APPBP2: variants seen among roughly 807,000 people sequenced by gnomAD.
The protein encoded by APPBP2 is amyloid beta precursor protein binding protein 2.
A neutral mutation model predicts 76.0 loss-of-function variants in APPBP2; 15 were observed. That is an observed-to-expected ratio of 0.20 (90% CI 0.13 to 0.30). The LOEUF is 0.30. Ranked by LOEUF, APPBP2 falls within the 10% of genes least tolerant of loss-of-function variation. The pLI, the probability that APPBP2 is intolerant of heterozygous loss-of-function variation, is 1.00. For missense variants in APPBP2, 401 were observed against 687.2 expected (o/e 0.58, Z 4.66); for synonymous variants, 222 against 242.2 (o/e 0.92, Z 0.77).
chr17:60,491,263 C>G (rs1314543933), intron 3 of APPBP2, among the ~76,000 whole-genome samples: 2 of 151,962 alleles, frequency 1.3e-5, no homozygotes, highest in Admixed American at 1.3e-4. Context: ...ATATTTTAGC[C>G]AAAAGACTGG....
chr17:60,503,137 C>T lies in APPBP2; in HGVS notation c.139-2650G>A, dbSNP rs978406041. 2.4e-4 allele frequency among the ~76,000 whole-genome samples: 34 copies of T among 144,024 alleles called. 1 individual carries two copies. The highest frequency in any genetic ancestry group is 4.1e-4 in the Non-Finnish European group (28 of 67,838). The allele number at this position is 144,024 out of a possible 152,430, so 94.5% of individuals were successfully genotyped here. On this transcript the variant is annotated intron_variant, in intron 1 of 12. Coordinates refer to ENST00000083182, the MANE Select transcript of APPBP2 (RefSeq NM_006380.5). ...AAGCGATTCTCCTGCCTCAGCCTCC[C>T]GAATAGCCTGGACTACCGGCGCGGG... is the stretch of plus-strand genomic sequence containing the variant.
At chr17:60,505,071 G>A (rs1426102351) in intron 1 of APPBP2, among the ~76,000 whole-genome samples, 1 of 152,074 alleles carries the variant, frequency 6.6e-6, no homozygotes, top group Non-Finnish European at 1.5e-5. Flanking sequence ...CATTATATAT[G>A]CATCCATATA....
chr17:60,465,822 A>G (rs751275479), intron 5 of APPBP2, among the ~76,000 whole-genome samples: 12 of 152,148 alleles, frequency 7.9e-5, no homozygotes, highest in Non-Finnish European at 1.5e-4. Context: ...TCACCTCACA[A>G]ACACTCCTTT....
At position 60,526,047 on chromosome 17, in the gene APPBP2, G is replaced by T; in HGVS notation, c.-116C>A. 1 of 1,087,482 alleles carries T rather than the reference G, an allele frequency of 9.2e-7. No individual in the cohort carries two copies. The highest frequency in any genetic ancestry group is 1.3e-6 in the Non-Finnish European group (1 of 768,640). 67.4% of individuals were successfully genotyped at this position (1,087,482 alleles called of 1,614,324 possible). A position where few individuals can be genotyped will look rare whatever the true frequency, so the allele number is the denominator to read the frequency against. ...TTCGGAGGGGCGGTGGCAGCCACGC[G>T]GGCGCACGGCAGAAGGCACGGCCGC... is the stretch of plus-strand genomic sequence containing the variant. On this transcript the variant is annotated 5_prime_UTR_variant, in exon 1 of 13. Transcript: ENST00000083182.
At chr17:60,469,857 C>T (rs144641624) in intron 4 of APPBP2, among the ~76,000 whole-genome samples, 19 of 152,260 alleles carry the variant, frequency 1.2e-4, no homozygotes, top group Admixed American at 1.2e-3. Context: ...AAATATCTCT[C>T]GATTCCTTGC....
intron 3 of APPBP2, among the ~76,000 whole-genome samples, chr17:60,481,798 G>C (rs1349141086): frequency 6.6e-6 from 1 of 152,216 alleles, no homozygotes; most frequent in East Asian, 1.9e-4. Flanking sequence ...AGCTGTTACA[G>C]CTTCTTACAA....
chr17:60,475,968 G>A (rs915408158), intron 4 of APPBP2, among the ~76,000 whole-genome samples: 1 of 152,126 alleles, frequency 6.6e-6, no homozygotes, highest in East Asian at 1.9e-4. Context: ...GGTTGCGGGT[G>A]TGATTTTAAG....
rs199629682 is a variant in APPBP2, at chr17:60,469,344, AT to A, written c.504-2886del. Among the ~76,000 whole-genome samples the A allele has an allele frequency of 5.9e-5, 9 of 151,322 alleles. 1 individual carries two copies. Among genetic ancestry groups the A allele is most frequent in the South Asian group, 2.1e-4 (1 of 4,788 alleles). On this transcript the variant is annotated intron_variant, in intron 4 of 12. Transcript: ENST00000083182. Reference sequence around the variant, plus strand: ...CATCTCAAAAAAAAAAAAAAAAAAAATTGGAAATAAATGATAGCTTGAAAGG... The same window carrying A: ...CATCTCAAAAAAAAAAAAAAAAAAAATGGAAATAAATGATAGCTTGAAAGG...
chr17:60,526,087 G>A lies in APPBP2; in HGVS notation c.-156C>T, dbSNP rs1400201421. The A allele has an allele frequency of 2.9e-6, 2 of 684,664 alleles. No individual in the cohort carries two copies. The highest frequency in any genetic ancestry group is 3.6e-5 in the African/African-American group (2 of 55,052). The allele number at this position is 684,664 out of a possible 1,614,324, so 42.4% of individuals were successfully genotyped here. A position where few individuals can be genotyped will look rare whatever the true frequency, so the allele number is the denominator to read the frequency against. On this transcript the variant is annotated 5_prime_UTR_variant, in exon 1 of 13. Transcript: ENST00000083182. ...GGCACGGCCGCCCTGCCTCCTCCGG[G>A]GGCAAACTGAGGGACGGCGGCAGCG...
intron 1 of APPBP2, among the ~76,000 whole-genome samples, chr17:60,505,401 C>T (rs557196719): frequency 3.3e-5 from 5 of 152,330 alleles, no homozygotes; most frequent in South Asian, 2.1e-4. Context: ...CTGCAAGCTC[C>T]GCCTCCCGCG....
intron 1 of APPBP2, among the ~76,000 whole-genome samples, chr17:60,517,230 C>A (rs1361601694): frequency 6.6e-6 from 1 of 152,124 alleles, no homozygotes; most frequent in Non-Finnish European, 1.5e-5. Flanking sequence ...CCTGCCTTGG[C>A]CTCTCAAAGT....
At chr17:60,516,218 TC>T (rs1395754569) in intron 1 of APPBP2, among the ~76,000 whole-genome samples, 3 of 151,968 alleles carry the variant, frequency 2.0e-5, no homozygotes, top group African/African-American at 4.8e-5. Context: ...AGTGGTGGTA[TC>T]CAATCTGATT....
At chr17:60,460,632 C>A in intron 9 of APPBP2, 31 bp downstream of exon 9, 1 of 1,593,164 alleles carries the variant, frequency 6.3e-7, no homozygotes, top group South Asian at 1.1e-5. Context: ...ACAGTATTTC[C>A]TCCTTCAGAG....
chr17:60,513,015 G>A (rs1165851824), intron 1 of APPBP2, among the ~76,000 whole-genome samples: 2 of 142,942 alleles, frequency 1.4e-5, no homozygotes, highest in African/African-American at 2.7e-5. Flanking sequence ...CTACATGGTC[G>A]CATCTTGGCG....
chr17:60,450,771 C>CAAAA (rs1235490603), intron 12 of APPBP2, among the ~76,000 whole-genome samples: 2 of 80,068 alleles, frequency 2.5e-5, no homozygotes, highest in Non-Finnish European at 2.7e-5. Flanking sequence ...GATCCTGTCT[C>CAAAA]AAAAAAAAAA....
intron 4 of APPBP2, among the ~76,000 whole-genome samples, chr17:60,470,774 A>C (rs1348514464): frequency 2.9e-5 from 4 of 137,456 alleles, no homozygotes; most frequent in Non-Finnish European, 3.1e-5. Flanking sequence ...GATGGGTTTC[A>C]CCATGTTGGC....
At position 60,462,062 on chromosome 17, in the gene APPBP2, CTAAAGA is replaced by C; in HGVS notation, c.763-7_763-2del. 6.2e-7 allele frequency: 1 copy of C among 1,611,732 alleles called. No homozygotes were observed. Among genetic ancestry groups the C allele is most frequent in the Non-Finnish European group, 8.5e-7 (1 of 1,178,190 alleles). ...TAAATTCACGTTTTACTACACAAGC[CTAAAGA>C]TAAAGTGAAAAATGGTTAACTCTCA... On this transcript the variant is annotated splice_acceptor_variant and splice_polypyrimidine_tract_variant and intron_variant, in intron 6 of 12. Transcript: ENST00000083182. LOFTEE classifies it high-confidence loss of function.
At chr17:60,475,916 C>T (rs1319044089) in intron 4 of APPBP2, among the ~76,000 whole-genome samples, 1 of 152,128 alleles carries the variant, frequency 6.6e-6, no homozygotes, top group Non-Finnish European at 1.5e-5. Flanking sequence ...ACAAACCATG[C>T]TCACATGGAC....
At chr17:60,472,322 GATTTA>G (rs1442665173) in intron 4 of APPBP2, among the ~76,000 whole-genome samples, 13 of 152,158 alleles carry the variant, frequency 8.5e-5, no homozygotes. Context: ...TTTGATTATG[GATTTA>G]ATTTATTTAC....
Sources: allele counts gnomAD v4.1 joint callset (sites outside exome capture counted in the v4.1 genomes callset), GRCh38; gene constraint gnomAD v4.1.1; transcripts MANE v1.5; gene names NCBI Gene and HGNC (gene_info 2026-07-23, HGNC 2026-07-21).